Variants in C7orf78 observed in about 807,000 individuals in gnomAD.
C7orf78 encodes the protein chromosome 7 open reading frame 78, also known as putative uncharacterized protein C7orf78.
the C7orf78 span, among the ~76,000 whole-genome samples, chr7:12,521,242 C>T: frequency 6.6e-6 from 1 of 152,036 alleles, no homozygotes; most frequent in South Asian, 2.1e-4. Context: ...TGAAGACATA[C>T]TCTCTGATTT....
At chr7:12,497,526 CG>C in the C7orf78 span, among the ~76,000 whole-genome samples, 1 of 152,140 alleles carries the variant, frequency 6.6e-6, no homozygotes, top group East Asian at 1.9e-4. Flanking sequence ...GCTTTTCCCA[CG>C]GGCTTAAAAA....
chr7:12,532,593 T>A, the C7orf78 span, among the ~76,000 whole-genome samples: 1 of 151,518 alleles, frequency 6.6e-6, no homozygotes, highest in African/African-American at 2.4e-5. Context: ...AAGCCTCCCA[T>A]ACCCTATCTG....
At chr7:12,489,673 C>A in the C7orf78 span, among the ~76,000 whole-genome samples, 1 of 152,082 alleles carries the variant, frequency 6.6e-6, no homozygotes, top group South Asian at 2.1e-4. Flanking sequence ...AAGACAAATA[C>A]TATTTGCTGG....
At chr7:12,526,959 T>C in the C7orf78 span, among the ~76,000 whole-genome samples, 1 of 103,440 alleles carries the variant, frequency 9.7e-6, no homozygotes, top group Non-Finnish European at 2.0e-5. Context: ...GTATATGCTA[T>C]GTGTCACTCA....
chr7:12,541,750 A>G, the C7orf78 span: 3 of 152,164 alleles, frequency 2.0e-5, no homozygotes, highest in Non-Finnish European at 4.4e-5. Context: ...AATAATCAAC[A>G]TTTATTTAGT....
chr7:12,495,305 T>C, the C7orf78 span, among the ~76,000 whole-genome samples: 4 of 152,218 alleles, frequency 2.6e-5, no homozygotes, highest in Non-Finnish European at 5.9e-5. Context: ...TTTGCACAGC[T>C]CTTTCAAGGA....
chr7:12,504,836 A>G, the C7orf78 span, among the ~76,000 whole-genome samples: 1 of 152,256 alleles, frequency 6.6e-6, no homozygotes, highest in East Asian at 1.9e-4. Flanking sequence ...TAAAAAGTTT[A>G]CTGTGATCAC....
At chr7:12,504,103 T>C in the C7orf78 span, among the ~76,000 whole-genome samples, 1 of 152,184 alleles carries the variant, frequency 6.6e-6, no homozygotes, top group African/African-American at 2.4e-5. Context: ...CAGAATCATA[T>C]AATATATCAC....
the C7orf78 span, among the ~76,000 whole-genome samples, chr7:12,485,090 T>A: frequency 6.6e-6 from 1 of 150,440 alleles, no homozygotes; most frequent in African/African-American, 2.5e-5. Context: ...TTGCCTGAAA[T>A]CCAAATTATA....
chr7:12,525,219 G>C, the C7orf78 span, among the ~76,000 whole-genome samples: 1 of 152,044 alleles, frequency 6.6e-6, no homozygotes, highest in Non-Finnish European at 1.5e-5. Flanking sequence ...CTTTTGAGTA[G>C]AGACCTTTGT....
At chr7:12,499,532 A>G in the C7orf78 span, among the ~76,000 whole-genome samples, 5 of 148,822 alleles carry the variant, frequency 3.4e-5, no homozygotes, top group Non-Finnish European at 6.0e-5. Context: ...AGAGCTAACT[A>G]TCCTAAATAT....
At chr7:12,516,003 C>T in the C7orf78 span, among the ~76,000 whole-genome samples, 4,092 of 152,244 alleles carry the variant, frequency 0.027, 174 homozygotes, top group African/African-American at 0.093. Context: ...GAAATTCAAC[C>T]TGGCTGCAGA....
chr7:12,515,728 G>A, the C7orf78 span, among the ~76,000 whole-genome samples: 1 of 152,142 alleles, frequency 6.6e-6, no homozygotes, highest in East Asian at 1.9e-4. Context: ...GAACTTGTTG[G>A]GAACTGGAGC....
the C7orf78 span, among the ~76,000 whole-genome samples, chr7:12,500,779 AAAG>A: frequency 6.4e-3 from 958 of 150,774 alleles, 14 homozygotes; most frequent in African/African-American, 0.023. Context: ...CACAACCAAA[AAAG>A]AGAATTTTAG....
the C7orf78 span, among the ~76,000 whole-genome samples, chr7:12,524,021 C>G: frequency 6.6e-6 from 1 of 152,076 alleles, no homozygotes. Context: ...ATAAATGTGA[C>G]TTGCTAGGCA....
chr7:12,522,450 T>C, the C7orf78 span, among the ~76,000 whole-genome samples: 1 of 152,160 alleles, frequency 6.6e-6, no homozygotes, highest in South Asian at 2.1e-4. Context: ...CTCATGATGG[T>C]TTAGGCAGCC....
At chr7:12,533,201 TTTTG>T in the C7orf78 span, among the ~76,000 whole-genome samples, 9 of 152,116 alleles carry the variant, frequency 5.9e-5, no homozygotes, top group African/African-American at 1.4e-4. Flanking sequence ...GTTGTTGTTG[TTTTG>T]TTTGTTTGTT....
chr7:12,517,274 G>A, the C7orf78 span, among the ~76,000 whole-genome samples: 335 of 152,152 alleles, frequency 2.2e-3, 13 homozygotes, highest in South Asian at 0.061. Context: ...TCTTGCCACC[G>A]CCATGTAAGA....
chr7:12,524,066 T>C, the C7orf78 span, among the ~76,000 whole-genome samples: 1 of 152,140 alleles, frequency 6.6e-6, no homozygotes, highest in African/African-American at 2.4e-5. Context: ...GAACAGGATC[T>C]AGAAATAGTG....
Sources: gnomAD v4.1 joint callset for allele counts (sites outside exome capture counted in the v4.1 genomes callset) on GRCh38, gnomAD v4.1.1 for gene constraint, MANE v1.5 for transcripts, NCBI Gene and HGNC (gene_info 2026-07-23, HGNC 2026-07-21) for gene names.